The following SLCO1A2 variants were observed in gnomAD, a reference collection of about 807,000 sequenced individuals.
The protein encoded by SLCO1A2 is OATP-1.
Under a neutral mutation model 69.0 loss-of-function variants are expected in SLCO1A2, and 67 were observed. That is an observed-to-expected ratio of 0.97 (90% CI 0.80 to 1.19). The LOEUF (loss-of-function observed/expected upper bound fraction) is 1.19. SLCO1A2 is among the 50% of genes most tolerant of loss of function. The pLI, the probability that SLCO1A2 is intolerant of heterozygous loss-of-function variation, is 0.00. For missense variants in SLCO1A2, 787 were observed against 793.7 expected (o/e 0.99, Z 0.10); for synonymous variants, 260 against 265.9 (o/e 0.98, Z 0.22).
intron 2 of SLCO1A2, among the ~76,000 whole-genome samples, chr12:21,334,056 C>T (rs1952770915): frequency 6.6e-6 from 1 of 151,754 alleles, no homozygotes; most frequent in East Asian, 1.9e-4. Context: ...ATATAAATGA[C>T]TTTGAAGCTA....
chr12:21,345,538 T>C (rs1263955448), intron 2 of SLCO1A2, among the ~76,000 whole-genome samples: 3 of 152,154 alleles, frequency 2.0e-5, no homozygotes, highest in East Asian at 1.9e-4. Flanking sequence ...GTTCTAGGAA[T>C]AGGATTACAG....
chr12:21,362,116 A>G (rs1426219067), intron 2 of SLCO1A2, among the ~76,000 whole-genome samples: 1 of 152,194 alleles, frequency 6.6e-6, no homozygotes, highest in African/African-American at 2.4e-5. Context: ...AGTTGAAATG[A>G]AGGAAAAAAT....
intron 2 of SLCO1A2, among the ~76,000 whole-genome samples, chr12:21,348,638 A>C: frequency 6.6e-6 from 1 of 152,160 alleles, no homozygotes; most frequent in East Asian, 1.9e-4. Context: ...ATAACACCAC[A>C]TTCTGTATCA....
chr12:21,282,508 C>T (rs1944982615), intron 12 of SLCO1A2, among the ~76,000 whole-genome samples: 1 of 152,020 alleles, frequency 6.6e-6, no homozygotes, highest in African/African-American at 2.4e-5. Context: ...AAACTGAAAG[C>T]CCTTATTCTG....
chr12:21,358,619 T>C (rs1938563203), intron 2 of SLCO1A2, among the ~76,000 whole-genome samples: 1 of 152,140 alleles, frequency 6.6e-6, no homozygotes, highest in African/African-American at 2.4e-5. Flanking sequence ...CACTAGTTAA[T>C]ACTTTTCAAT....
chr12:21,326,609 C>A (rs1025499981), intron 2 of SLCO1A2, among the ~76,000 whole-genome samples: 1 of 152,122 alleles, frequency 6.6e-6, no homozygotes, highest in Non-Finnish European at 1.5e-5. Context: ...TTATTGGGAA[C>A]TGGAGCAAAG....
At chr12:21,314,461 G>C in intron 4 of SLCO1A2, 88 bp downstream of exon 4, 1 of 1,417,664 alleles carries the variant, frequency 7.1e-7, no homozygotes, top group Non-Finnish European at 9.9e-7. Flanking sequence ...TATGCTGTTG[G>C]AAAGCATTGC....
chr12:21,400,855 T>C (rs1246341954), intron 1 of SLCO1A2, among the ~76,000 whole-genome samples: 1 of 122,006 alleles, frequency 8.2e-6, no homozygotes, highest in Non-Finnish European at 1.6e-5. Context: ...GGAAGGGGAA[T>C]ATCACACTCT....
chr12:21,275,239 A>G, intron 13 of SLCO1A2, 121 bp downstream of exon 13: 2 of 916,346 alleles, frequency 2.2e-6, no homozygotes, highest in Non-Finnish European at 3.1e-6. Context: ...AACATGGCAC[A>G]TGTATACATA....
chr12:21,362,000 A>G (rs984990745), intron 2 of SLCO1A2, among the ~76,000 whole-genome samples: 1 of 152,176 alleles, frequency 6.6e-6, no homozygotes, highest in Non-Finnish European at 1.5e-5. Context: ...AACTTCCCCA[A>G]CCTAGCGGGG....
intron 1 of SLCO1A2, among the ~76,000 whole-genome samples, chr12:21,412,762 C>T (rs1941928631): frequency 6.6e-6 from 1 of 152,130 alleles, no homozygotes; most frequent in Non-Finnish European, 1.5e-5. Context: ...ATCTTAGCCC[C>T]TCACCATGAC....
chr12:21,328,417 G>T (rs1952397880), intron 2 of SLCO1A2, among the ~76,000 whole-genome samples: 1 of 152,060 alleles, frequency 6.6e-6, no homozygotes, highest in African/African-American at 2.4e-5. Flanking sequence ...CAACAGAAGG[G>T]GAGGGAGTCA....
chr12:21,315,345 C>T (rs1278876384), intron 3 of SLCO1A2, among the ~76,000 whole-genome samples: 1 of 151,946 alleles, frequency 6.6e-6, no homozygotes, highest in Admixed American at 6.5e-5. Context: ...TGTCTTAGGA[C>T]GAAGCTTTAG....
At chr12:21,271,653 A>ATATGTGTATATAAACATATATACC (rs563292950) in intron 14 of SLCO1A2, among the ~76,000 whole-genome samples, 14 of 148,092 alleles carry the variant, frequency 9.5e-5, no homozygotes, top group East Asian at 3.9e-4. Flanking sequence ...CTTTATATAC[A>ATATGTGTATATAAACATATATACC]TATGTGTATA....
At chr12:21,352,531 T>C (rs544815164) in intron 2 of SLCO1A2, among the ~76,000 whole-genome samples, 1 of 152,278 alleles carries the variant, frequency 6.6e-6, no homozygotes, top group African/African-American at 2.4e-5. Flanking sequence ...TGTCTGAAAA[T>C]ACCAGCCATG....
chr12:21,281,539 A>G (rs1194799784), intron 12 of SLCO1A2, among the ~76,000 whole-genome samples: 2 of 152,128 alleles, frequency 1.3e-5, no homozygotes, highest in Non-Finnish European at 2.9e-5. Context: ...GTAGAAGAAA[A>G]GAAATAATAA....
intron 14 of SLCO1A2, 55 bp downstream of exon 14, chr12:21,274,414 G>T: frequency 8.6e-7 from 1 of 1,156,724 alleles, no homozygotes; most frequent in Non-Finnish European, 1.3e-6. Flanking sequence ...GAATGGTGCT[G>T]CGTTATGCAC....
intron 1 of SLCO1A2, among the ~76,000 whole-genome samples, chr12:21,400,492 A>G (rs376346835): frequency 4.0e-5 from 6 of 151,726 alleles, no homozygotes; most frequent in Non-Finnish European, 7.4e-5. Context: ...ATCTAGAACT[A>G]GAAATACCAT....
intron 2 of SLCO1A2, among the ~76,000 whole-genome samples, chr12:21,364,372 A>C (rs1271619987): frequency 1.3e-5 from 2 of 152,198 alleles, no homozygotes; most frequent in African/African-American, 4.8e-5. Flanking sequence ...AACTCTCAAT[A>C]AACTAGGTAT....
Sources: allele counts gnomAD v4.1 joint callset (sites outside exome capture counted in the v4.1 genomes callset), GRCh38; gene constraint gnomAD v4.1.1; transcripts MANE v1.5; gene names NCBI Gene and HGNC (gene_info 2026-07-23, HGNC 2026-07-21).